Variants in ARHGEF4 observed in about 807,000 individuals in gnomAD.
The protein encoded by ARHGEF4 is APC-stimulated guanine nucleotide exchange factor 1.
In ARHGEF4, 119 loss-of-function variants were observed where a neutral mutation model predicts 162.0. The observed-to-expected ratio is 0.73, with a 90% CI of 0.63 to 0.86. The LOEUF (loss-of-function observed/expected upper bound fraction) is 0.86, where lower values mean the gene tolerates loss of function less well. Among genes scored for constraint, ARHGEF4 ranks in the 40% least tolerant of loss-of-function variants. The pLI is 0.00. For synonymous variants in ARHGEF4, 1,014 were observed against 979.9 expected, an observed-to-expected ratio of 1.03 and a Z score of -0.65; for missense variants, 2,488 against 2,456.0, an observed-to-expected ratio of 1.01 and a Z score of -0.28.
intron 1 of ARHGEF4, among the ~76,000 whole-genome samples, chr2:130,889,950 T>A (rs1679763493): frequency 6.6e-6 from 1 of 152,160 alleles, no homozygotes; most frequent in Non-Finnish European, 1.5e-5. Flanking sequence ...GATGCTCTTA[T>A]CAGTCTAACT....
chr2:130,872,265 C>T (rs1220164994), intron 1 of ARHGEF4, among the ~76,000 whole-genome samples: 1 of 152,178 alleles, frequency 6.6e-6, no homozygotes, highest in Non-Finnish European at 1.5e-5. Context: ...GGTGTGTGAG[C>T]GACATGGGCC....
At position 131,041,798 on chromosome 2, in the gene ARHGEF4, T is replaced by A; in HGVS notation, c.4896-17T>A. ...GTCTCCAGCCTGCAGCAGCCTTCCATCTCTGTTCTGCCCCAGGGACTTCAA... is the reference window on the plus strand; with the variant it reads ...GTCTCCAGCCTGCAGCAGCCTTCCAACTCTGTTCTGCCCCAGGGACTTCAA... On this transcript the variant is annotated splice_polypyrimidine_tract_variant and intron_variant, in intron 9 of 13. Coordinates refer to ENST00000409359, the MANE Select transcript of ARHGEF4 (RefSeq NM_001367493.1). 6.2e-7 allele frequency: 1 copy of A among 1,611,512 alleles called. No individual in the cohort carries two copies. Among genetic ancestry groups the A allele is most frequent in the East Asian group, 2.2e-5 (1 of 44,864 alleles).
At chr2:130,888,601 T>C (rs1238639985) in intron 1 of ARHGEF4, among the ~76,000 whole-genome samples, 1 of 152,156 alleles carries the variant, frequency 6.6e-6, no homozygotes, top group Non-Finnish European at 1.5e-5. Flanking sequence ...AGTCATTTAG[T>C]TGAAACTATT....
At chr2:130,952,258 G>C (rs916794985) in intron 4 of ARHGEF4, among the ~76,000 whole-genome samples, 4 of 151,992 alleles carry the variant, frequency 2.6e-5, no homozygotes, top group African/African-American at 9.7e-5. Flanking sequence ...TCCTTATTTA[G>C]TCTTCATTTT....
intron 11 of ARHGEF4, among the ~76,000 whole-genome samples, chr2:131,043,948 C>T (rs182526930): frequency 7.1e-4 from 108 of 152,324 alleles, no homozygotes; most frequent in Non-Finnish European, 1.2e-3. Flanking sequence ...GGCTTCTGCT[C>T]CTCTTTCAAA....
chr2:130,904,782 T>TA (rs34372352), intron 1 of ARHGEF4, among the ~76,000 whole-genome samples: 133 of 150,002 alleles, frequency 8.9e-4, no homozygotes, highest in Middle Eastern at 3.4e-3. Flanking sequence ...ATTTTCACTA[T>TA]AAAAAAAAAA....
intron 4 of ARHGEF4, 198 bp downstream of exon 4, chr2:130,946,833 T>G: frequency 1.6e-6 from 1 of 643,818 alleles, no homozygotes; most frequent in East Asian, 3.8e-5. Flanking sequence ...CTGGGCACAG[T>G]GGCTCATGCC....
At chr2:131,005,744 G>T (rs1183093862) in intron 4 of ARHGEF4, among the ~76,000 whole-genome samples, 1 of 152,152 alleles carries the variant, frequency 6.6e-6, no homozygotes, top group East Asian at 1.9e-4. Context: ...GCACTGGGGG[G>T]AGATGCGCCG....
intron 1 of ARHGEF4, among the ~76,000 whole-genome samples, chr2:130,841,095 C>T (rs1680571571): frequency 1.3e-5 from 2 of 152,138 alleles, no homozygotes; most frequent in Admixed American, 6.5e-5. Flanking sequence ...GACAGAGTCT[C>T]GCTTTGTCAC....
Position 131,009,061 on chromosome 2 carries a change from A to T in ARHGEF4, c.3986-18884A>T, listed in dbSNP as rs555858586. Among the ~76,000 whole-genome samples, 232 of 152,274 alleles carry T rather than the reference A, an allele frequency of 1.5e-3. 2 individuals carry two copies. Among genetic ancestry groups the T allele is most frequent in the South Asian group, 0.013 (61 of 4,828 alleles). On this transcript the variant is annotated intron_variant, in intron 4 of 13. Coordinates refer to ENST00000409359, the MANE Select transcript of ARHGEF4 (RefSeq NM_001367493.1). Reference sequence around the variant, plus strand: ...TTCTCACTTTTGCCTGAGCAACTTCACTTAATGTTTCTTGTAGTAATCATT... The same window carrying T: ...TTCTCACTTTTGCCTGAGCAACTTCTCTTAATGTTTCTTGTAGTAATCATT...
At chr2:131,028,741 G>A (rs1689641193) in intron 5 of ARHGEF4, among the ~76,000 whole-genome samples, 1 of 152,132 alleles carries the variant, frequency 6.6e-6, no homozygotes, top group African/African-American at 2.4e-5. Flanking sequence ...TAACTGGAGG[G>A]TGTTGTTGAA....
chr2:131,016,570 C>T (rs934225529), intron 4 of ARHGEF4, among the ~76,000 whole-genome samples: 1 of 152,256 alleles, frequency 6.6e-6, no homozygotes, highest in Non-Finnish European at 1.5e-5. Flanking sequence ...GACTGCATTG[C>T]CTGCATTTGC....
Position 131,046,598 on chromosome 2 carries a change from T to A in ARHGEF4, c.*409T>A, listed in dbSNP as rs1421305458. 6.3e-6 allele frequency: 1 copy of A among 159,824 alleles called. No individual in the cohort carries two copies. Among genetic ancestry groups the A allele is most frequent in the Non-Finnish European group, 1.4e-5 (1 of 73,146 alleles). 9.9% of individuals were successfully genotyped at this position (159,824 alleles called of 1,614,324 possible). ...CTCTGGGCAGGACTCTCTGGCCTTCTGTGGCCTGCAATGCCAGGCCATGTG... is the reference window on the plus strand; with the variant it reads ...CTCTGGGCAGGACTCTCTGGCCTTCAGTGGCCTGCAATGCCAGGCCATGTG... On this transcript the variant is annotated 3_prime_UTR_variant, in exon 14 of 14. Transcript: ENST00000409359.
chr2:130,881,853 T>A (rs1357753681), intron 1 of ARHGEF4, among the ~76,000 whole-genome samples: 1 of 151,914 alleles, frequency 6.6e-6, no homozygotes, highest in African/African-American at 2.4e-5. Flanking sequence ...AGCAGGTGTG[T>A]ACGAGAACCA....
chr2:130,871,634 A>G (rs112419981), intron 1 of ARHGEF4, among the ~76,000 whole-genome samples: 532 of 138,120 alleles, frequency 3.9e-3, no homozygotes, highest in Non-Finnish European at 6.5e-3. Context: ...AATTTTTAGG[A>G]AAAAAAATCT....
chr2:130,983,346 A>G (rs1686251603), intron 4 of ARHGEF4, among the ~76,000 whole-genome samples: 1 of 152,256 alleles, frequency 6.6e-6, no homozygotes, highest in Non-Finnish European at 1.5e-5. Context: ...AGCTGTTTTC[A>G]TTAAACCAAT....
At chr2:131,045,933 C>A (rs765063180) in intron 13 of ARHGEF4, 105 bp from the exon 14 acceptor site, 2 of 1,503,754 alleles carry the variant, frequency 1.3e-6, no homozygotes, top group East Asian at 4.6e-5. Flanking sequence ...CCTCCTACGG[C>A]GGCTCTGAAG....
intron 1 of ARHGEF4, among the ~76,000 whole-genome samples, chr2:130,907,257 G>GCCC (rs372661698): frequency 2.2e-5 from 3 of 136,780 alleles, no homozygotes; most frequent in Non-Finnish European, 4.7e-5. Context: ...CTGGAGACTG[G>GCCC]AGGCTGGAGT....
At chr2:130,966,659 C>T (rs35031440) in intron 4 of ARHGEF4, among the ~76,000 whole-genome samples, 3,065 of 152,276 alleles carry the variant, frequency 0.02, 39 homozygotes, top group South Asian at 0.031. Flanking sequence ...CCAGCGAGGA[C>T]GGGCAGCATG....
Sources: gnomAD v4.1 joint callset for allele counts (sites outside exome capture counted in the v4.1 genomes callset) on GRCh38, gnomAD v4.1.1 for gene constraint, MANE v1.5 for transcripts, NCBI Gene and HGNC (gene_info 2026-07-23, HGNC 2026-07-21) for gene names.